The following TNS1 variants were observed in gnomAD, a reference collection of about 807,000 sequenced individuals.
TNS1 encodes the protein tensin-1.
TNS1 carries 62 observed loss-of-function variants against 168.6 expected under a neutral mutation model. The observed-to-expected ratio is 0.37, with a 90% confidence interval of 0.30 to 0.45. The LOEUF is 0.45. TNS1 is among the 20% of genes least tolerant of loss of function. The pLI is 1.00. For missense variants in TNS1, 2,240 were observed against 2,339.4 expected (o/e 0.96, Z 0.88); for synonymous variants, 934 against 933.2 (o/e 1.00, Z -0.02).
chr2:217,862,520 T>G (rs529345874), intron 18 of TNS1, among the ~76,000 whole-genome samples: 18 of 152,288 alleles, frequency 1.2e-4, no homozygotes, highest in Admixed American at 5.9e-4. Flanking sequence ...GTGCCAAGGA[T>G]TCTTCAAGAC....
intron 18 of TNS1, among the ~76,000 whole-genome samples, chr2:217,874,337 G>C (rs1574906457): frequency 6.6e-6 from 1 of 152,194 alleles, no homozygotes; most frequent in East Asian, 1.9e-4. Flanking sequence ...GATTAACCAA[G>C]AGAACATACA....
intron 19 of TNS1, among the ~76,000 whole-genome samples, chr2:217,837,459 A>G (rs912905509): frequency 2.6e-5 from 4 of 152,210 alleles, no homozygotes; most frequent in African/African-American, 9.7e-5. Flanking sequence ...GGGCAGACAC[A>G]CACTTACACT....
In TNS1 at chr2:217,948,069, C is replaced by T. The variant is rs780694648; in HGVS notation, c.187-27833G>A. ...AAGCCCATGTCACCAGGTAACACAACTAGGAATTCCAGGTCCCAGCACTAC... is the reference window on the plus strand; with the variant it reads ...AAGCCCATGTCACCAGGTAACACAATTAGGAATTCCAGGTCCCAGCACTAC... On this transcript the variant is annotated intron_variant, in intron 3 of 32. Coordinates refer to ENST00000682258, the MANE Select transcript of TNS1 (RefSeq NM_001387777.1). The surrounding 1 kb of genome is among the most constrained non-coding windows in gnomAD (Gnocchi z 4.1). Among the ~76,000 whole-genome samples, 16 of 152,338 alleles carry T rather than the reference C, an allele frequency of 1.1e-4. 1 individual carries two copies. Among genetic ancestry groups the T allele is most frequent in the Non-Finnish European group, 1.6e-4 (11 of 68,024 alleles).
rs753967597 is a variant in TNS1, at chr2:217,817,754, G to A, written c.4578C>T (p.Pro1526=). 1 of 1,613,436 alleles carries A rather than the reference G, an allele frequency of 6.2e-7. No individual in the cohort carries two copies. The highest frequency in any genetic ancestry group is 1.1e-5 in the South Asian group (1 of 91,052). ...AGAAGGAGACGGTGCTGCCCCCACT[G>A]GGACTGGACATGCCGCTGGCGACAG... is the stretch of plus-strand genomic sequence containing the variant. ...SSPVASGMSS[P]SGGSTVSFSH... The change falls in exon 24 of 33, where the codon CCC becomes CCT. Residue 1526 remains proline, a synonymous_variant. Coordinates refer to ENST00000682258, the MANE Select transcript of TNS1 (RefSeq NM_001387777.1).
intron 7 of TNS1, 50 bp from the exon 8 acceptor site, chr2:217,898,019 G>A (rs1327867890): frequency 2.6e-6 from 4 of 1,541,990 alleles, no homozygotes; most frequent in South Asian, 1.3e-5. Context: ...CCAGCCCACA[G>A]GGAAGGCCCC....
At chr2:217,977,470 T>C (rs1437207098) in intron 3 of TNS1, among the ~76,000 whole-genome samples, 1 of 152,218 alleles carries the variant, frequency 6.6e-6, no homozygotes, top group Non-Finnish European at 1.5e-5. Context: ...GTAAAGTTTC[T>C]TTGGAGGAAG....
At chr2:218,019,576 T>C (rs1016554169) in intron 1 of TNS1, among the ~76,000 whole-genome samples, 1 of 152,234 alleles carries the variant, frequency 6.6e-6, no homozygotes. Context: ...TCTAGGCCCT[T>C]AGGCCTCCTC....
Position 217,906,303 on chromosome 2 carries a change from G to T in TNS1, c.321+32C>A, listed in dbSNP as rs1232015585. 3.9e-5 allele frequency: 16 copies of T among 405,114 alleles called. No homozygotes were observed. The East Asian group carries it at 9.2e-4, about 23-fold the overall frequency. The allele number at this position is 405,114 out of a possible 1,614,324, so 25.1% of individuals were successfully genotyped here. ...CATTCCCCCTGGCCACCAGGGCCCA[G>T]CCCCATCCTTCTTCTCCCCATCCAC... On this transcript the variant is annotated intron_variant, in intron 6 of 32. Coordinates refer to ENST00000682258, the MANE Select transcript of TNS1 (RefSeq NM_001387777.1).
intron 4 of TNS1, among the ~76,000 whole-genome samples, chr2:217,917,633 C>T (rs1955179453): frequency 6.6e-6 from 1 of 151,704 alleles, no homozygotes. Flanking sequence ...GGAGTTCAAG[C>T]CAACCTAGCC....
At chr2:217,893,312 T>C (rs1951922274) in intron 10 of TNS1, 127 bp downstream of exon 10, 2 of 1,426,354 alleles carry the variant, frequency 1.4e-6, no homozygotes, top group Non-Finnish European at 1.8e-6. Flanking sequence ...CAGACTTATA[T>C]GCTCGCAAAA....
Position 217,799,797 on chromosome 2 carries a change from TCTTTAA to T in TNS1, c.*4656_*4661del, listed in dbSNP as rs888374327. On this transcript the variant is annotated 3_prime_UTR_variant, in exon 33 of 33. Transcript: ENST00000682258. ...ACAGATAGATAACGGCACAGAGTTTTCTTTAACTTTATCATTTATAAAGCCATACAA... is the reference window on the plus strand; with the variant it reads ...ACAGATAGATAACGGCACAGAGTTTTCTTTATCATTTATAAAGCCATACAA... 1.3e-5 allele frequency: 2 copies of T among 152,174 alleles called. No individual in the cohort carries two copies. Among genetic ancestry groups the T allele is most frequent in the Non-Finnish European group, 2.9e-5 (2 of 68,034 alleles). The allele number at this position is 152,174 out of a possible 1,614,324, so 9.4% of individuals were successfully genotyped here.
chr2:218,003,562 G>A (rs192894507), upstream of TNS1, among the ~76,000 whole-genome samples: 8 of 152,286 alleles, frequency 5.3e-5, no homozygotes, highest in African/African-American at 1.7e-4. Flanking sequence ...AATAGGGCCC[G>A]AGACTGGGGA....
intron 3 of TNS1, among the ~76,000 whole-genome samples, chr2:217,956,984 C>T (rs1456866307): frequency 6.6e-6 from 1 of 152,200 alleles, no homozygotes. Context: ...GATCAGGGAG[C>T]GTCAGAGCAG....
intron 2 of TNS1, among the ~76,000 whole-genome samples, chr2:217,982,725 T>C (rs746720643): frequency 2.0e-5 from 3 of 152,146 alleles, no homozygotes; most frequent in Non-Finnish European, 4.4e-5. Flanking sequence ...AACCACTAAG[T>C]TTACGGGTAA....
At chr2:217,836,444 T>A (rs1945188678) in intron 19 of TNS1, among the ~76,000 whole-genome samples, 1 of 151,976 alleles carries the variant, frequency 6.6e-6, no homozygotes, top group Non-Finnish European at 1.5e-5. Context: ...TCACCAGGAA[T>A]CTCTCCACAC....
intron 18 of TNS1, chr2:217,879,431 T>TGGA (rs1202496450): frequency 2.2e-6 from 1 of 454,212 alleles, no homozygotes; most frequent in African/African-American, 2.0e-5. Context: ...CGCCCGGGGA[T>TGGA]GGAGGAGTGC....
At chr2:218,002,475 G>C (rs1287163821) in intron 1 of TNS1, among the ~76,000 whole-genome samples, 1 of 152,110 alleles carries the variant, frequency 6.6e-6, no homozygotes, top group Non-Finnish European at 1.5e-5. Context: ...ACTGAGGGGG[G>C]GCGGTGAAGA....
chr2:217,851,378 C>G (rs963808545), intron 18 of TNS1, among the ~76,000 whole-genome samples: 1 of 150,688 alleles, frequency 6.6e-6, no homozygotes. Context: ...AGACCACAGG[C>G]CAGCCATGTT....
intron 23 of TNS1, among the ~76,000 whole-genome samples, chr2:217,820,439 A>G (rs1574622004): frequency 6.6e-6 from 1 of 152,288 alleles, no homozygotes; most frequent in East Asian, 1.9e-4. Context: ...TAGAATCCAG[A>G]AGACAGTTGC....
Sources: gnomAD v4.1 joint callset for allele counts (sites outside exome capture counted in the v4.1 genomes callset) on GRCh38, gnomAD v4.1.1 for gene constraint, Gnocchi (gnomAD v3.1) non-coding constraint, MANE v1.5 for transcripts, NCBI Gene and HGNC (gene_info 2026-07-23, HGNC 2026-07-21) for gene names.